NUMB: variants seen among roughly 807,000 people sequenced by gnomAD.
NUMB encodes the protein protein numb homolog.
A neutral mutation model predicts 59.7 loss-of-function variants in NUMB; 29 were observed. The ratio of observed to expected loss-of-function variants is 0.49; its 90% CI spans 0.36 to 0.66. The LOEUF is 0.66. Ranked by LOEUF, NUMB falls within the 30% of genes least tolerant of loss-of-function variation. NUMB has a pLI of 0.00. For missense variants in NUMB, 723 were observed against 822.0 expected, an observed-to-expected ratio of 0.88 and a Z score of 1.47; for synonymous variants, 288 against 288.2, an observed-to-expected ratio of 1.00 and a Z score of 0.01.
intron 4 of NUMB, among the ~76,000 whole-genome samples, chr14:73,352,515 TATATATATA>T (rs1893431008): frequency 4.1e-5 from 1 of 24,340 alleles, no homozygotes; most frequent in Non-Finnish European, 7.6e-5. Context: ...TATATATATA[TATATATATA>T]TATATGTTTT....
intron 3 of NUMB, among the ~76,000 whole-genome samples, chr14:73,361,790 C>T (rs1045362643): frequency 1.3e-5 from 2 of 152,006 alleles, no homozygotes; most frequent in African/African-American, 4.8e-5. Context: ...TTTATCAAGA[C>T]CTCAAGGTCT....
intron 1 of NUMB, among the ~76,000 whole-genome samples, chr14:73,454,747 A>G (rs1313268017): frequency 6.6e-6 from 1 of 152,206 alleles, no homozygotes; most frequent in African/African-American, 2.4e-5. Context: ...GGGCAATCAA[A>G]GCTATTCCTA....
chr14:73,373,666 G>T (rs535095254), intron 2 of NUMB, among the ~76,000 whole-genome samples: 74 of 149,886 alleles, frequency 4.9e-4, no homozygotes, highest in African/African-American at 1.7e-3. Flanking sequence ...TGCAGTATCA[G>T]AATGTTTGAG....
chr14:73,413,729 C>T (rs1566786643), intron 1 of NUMB, among the ~76,000 whole-genome samples: 1 of 151,908 alleles, frequency 6.6e-6, no homozygotes, highest in African/African-American at 2.4e-5. Flanking sequence ...CTGCCCAGAC[C>T]GTGCCACTGC....
intron 11 of NUMB, among the ~76,000 whole-genome samples, chr14:73,280,749 A>G (rs1277322375): frequency 7.4e-6 from 1 of 134,376 alleles, no homozygotes; most frequent in Non-Finnish European, 1.5e-5. Context: ...GCTGGAGTGC[A>G]ATGGTGTGAT....
intron 4 of NUMB, among the ~76,000 whole-genome samples, chr14:73,332,277 A>G (rs1247174779): frequency 2.0e-5 from 3 of 150,602 alleles, no homozygotes; most frequent in Non-Finnish European, 4.4e-5. Context: ...TTTTTTTGAG[A>G]CAGTCTCACT....
intron 8 of NUMB, among the ~76,000 whole-genome samples, chr14:73,291,073 GTTTTTGT>G (rs1189420004): frequency 1.3e-5 from 2 of 150,676 alleles, no homozygotes; most frequent in East Asian, 3.9e-4. Context: ...TTTCTGTTTA[GTTTTTGT>G]TTTTTGTTTT....
At chr14:73,383,203 T>C (rs1237883543) in intron 2 of NUMB, among the ~76,000 whole-genome samples, 1 of 152,112 alleles carries the variant, frequency 6.6e-6, no homozygotes, top group Non-Finnish European at 1.5e-5. Flanking sequence ...ACATTGTTAA[T>C]TACCACACAC....
chr14:73,385,605 G>A (rs1032526524), intron 2 of NUMB, among the ~76,000 whole-genome samples: 7 of 147,304 alleles, frequency 4.8e-5, no homozygotes, highest in Non-Finnish European at 1.0e-4. Flanking sequence ...AGGTTCAAGC[G>A]ATTCTTGTAC....
At chr14:73,374,719 C>CTT (rs368185389) in intron 2 of NUMB, among the ~76,000 whole-genome samples, 5,607 of 119,252 alleles carry the variant, frequency 0.047, 509 homozygotes, top group African/African-American at 0.16. Context: ...GTTACATTAA[C>CTT]TTTTTTTTTT....
chr14:73,349,926 G>A (rs1001618124), intron 4 of NUMB, among the ~76,000 whole-genome samples: 1 of 151,968 alleles, frequency 6.6e-6, no homozygotes, highest in Non-Finnish European at 1.5e-5. Context: ...ATGGTGGCAG[G>A]TGCCTGTAAT....
chr14:73,326,437 G>A (rs1594907957), intron 4 of NUMB, among the ~76,000 whole-genome samples: 1 of 152,112 alleles, frequency 6.6e-6, no homozygotes, highest in East Asian at 1.9e-4. Flanking sequence ...GACCAGCTTG[G>A]CCAACATGGC....
Position 73,276,863 on chromosome 14 carries a change from G to T in NUMB, c.1671C>A (p.Val557=). 6.2e-7 allele frequency: 1 copy of T among 1,614,046 alleles called. No individual in the cohort carries two copies. Among genetic ancestry groups the T allele is most frequent in the South Asian group, 1.1e-5 (1 of 91,046 alleles). Reference sequence around the variant, plus strand: ...CGTAGTGAGGGAATGTCTGCTGCCTGACCAGGCTGGGTGACTGATGGGGAT... The same window carrying T: ...CGTAGTGAGGGAATGTCTGCTGCCTTACCAGGCTGGGTGACTGATGGGGAT... ...AAHPHQSPSL[V]RQQTFPHYEA... Residue 557 remains valine (V), a synonymous_variant, in exon 13 of 13, where the codon GTC becomes GTA. Transcript: ENST00000555238.
intron 4 of NUMB, among the ~76,000 whole-genome samples, chr14:73,323,834 A>C (rs1045476633): frequency 1.3e-5 from 2 of 152,244 alleles, no homozygotes; most frequent in Non-Finnish European, 2.9e-5. Flanking sequence ...TCAGGCTGAG[A>C]GAAATACATA....
At chr14:73,439,348 A>G (rs1308321280) in intron 1 of NUMB, among the ~76,000 whole-genome samples, 3 of 152,242 alleles carry the variant, frequency 2.0e-5, no homozygotes, top group African/African-American at 7.2e-5. Context: ...CTAAAAGTGA[A>G]TAATTAATGA....
At position 73,275,612 on chromosome 14, in the gene NUMB, T is replaced by A. The variant is rs573956065; in HGVS notation, c.*966A>T. 6.6e-6 allele frequency: 1 copy of A among 152,222 alleles called. No individual in the cohort carries two copies. The highest frequency in any genetic ancestry group is 2.1e-4 in the South Asian group (1 of 4,832). The allele number at this position is 152,222 out of a possible 1,614,324, so 9.4% of individuals were successfully genotyped here. A position where few individuals can be genotyped will look rare whatever the true frequency, so the allele number is the denominator to read the frequency against. On this transcript the variant is annotated 3_prime_UTR_variant, in exon 13 of 13. Transcript: ENST00000555238. The stretch of plus-strand genomic sequence containing the variant: ...AAACTGCAGCAATATATAAAAGATA[T>A]ATTCTCTATAGAGCATATTTCGATT...
At position 73,386,714 on chromosome 14, in the gene NUMB, T is replaced by C. The variant is rs144515025; in HGVS notation, c.-100-19733A>G. On this transcript the variant is annotated intron_variant, in intron 2 of 12. Transcript: ENST00000555238. Reference sequence around the variant, plus strand: ...ATTCCCATTCAACATTTGTTCTATATAGTGAAGTCTAAAGATCTTAAAAAC... The same window carrying C: ...ATTCCCATTCAACATTTGTTCTATACAGTGAAGTCTAAAGATCTTAAAAAC... Among the ~76,000 whole-genome samples, 9 of 152,230 alleles carry C rather than the reference T, an allele frequency of 5.9e-5. No individual in the cohort carries two copies. In the East Asian group the frequency reaches 1.7e-3, roughly 29 times the overall value.
intron 1 of NUMB, among the ~76,000 whole-genome samples, chr14:73,442,128 T>C (rs140259460): frequency 1.4e-5 from 2 of 147,848 alleles, no homozygotes; most frequent in Non-Finnish European, 3.0e-5. Context: ...GGCAGGAGAA[T>C]AGCTTGAGCC....
At chr14:73,397,696 T>C (rs759736462) in intron 2 of NUMB, among the ~76,000 whole-genome samples, 2 of 152,238 alleles carry the variant, frequency 1.3e-5, no homozygotes, top group East Asian at 1.9e-4. Flanking sequence ...ATAATAAAAA[T>C]CTATTAACAA....
Sources: allele counts gnomAD v4.1 joint callset (sites outside exome capture counted in the v4.1 genomes callset), GRCh38; gene constraint gnomAD v4.1.1; transcripts MANE v1.5; gene names NCBI Gene and HGNC (gene_info 2026-07-23, HGNC 2026-07-21).